The following COG3 variants were observed in gnomAD, a reference collection of about 807,000 sequenced individuals.
The protein encoded by COG3 is conserved oligomeric Golgi complex subunit 3.
In COG3, 32 loss-of-function variants were observed where a neutral mutation model predicts 114.1. The ratio of observed to expected loss-of-function variants is 0.28; its 90% CI spans 0.21 to 0.38. The LOEUF (loss-of-function observed/expected upper bound fraction) is 0.38. COG3 is among the 10% of genes least tolerant of loss of function. The probability of loss-of-function intolerance (pLI) is 1.00; values close to 1 mark genes in which losing one functional copy is unlikely to be tolerated. For synonymous variants in COG3, 352 were observed against 365.7 expected, an observed-to-expected ratio of 0.96 and a Z score of 0.43; for missense variants, 813 against 973.2, an observed-to-expected ratio of 0.84 and a Z score of 2.19.
chr13:45,471,727 G>GTT lies in COG3; in HGVS notation c.175-4465_175-4464dup, dbSNP rs397953138. ...CTGGTAATGAATTCTCTCAGCTTTT[G>GTT]TTTTTTTTTTGGTCTTTTTTTTGAG... On this transcript the variant is annotated intron_variant, in intron 1 of 22. Coordinates refer to ENST00000349995, the MANE Select transcript of COG3 (RefSeq NM_031431.4). 1.8e-3 allele frequency among the ~76,000 whole-genome samples: 266 copies of GTT among 147,942 alleles called. 3 individuals are homozygous for GTT. The South Asian group carries it at 0.032, about 18-fold the overall frequency.
chr13:45,530,131 T>C (rs1275831199), intron 21 of COG3, among the ~76,000 whole-genome samples: 1 of 152,222 alleles, frequency 6.6e-6, no homozygotes, highest in African/African-American at 2.4e-5. Context: ...AAGTTTTTAA[T>C]GTTACTACTG....
At chr13:45,466,935 G>A (rs1192336370) in intron 1 of COG3, among the ~76,000 whole-genome samples, 1 of 152,190 alleles carries the variant, frequency 6.6e-6, no homozygotes, top group Admixed American at 6.5e-5. Flanking sequence ...TAGGAAAGAT[G>A]AGATCCTTAG....
Position 45,534,791 on chromosome 13 carries a change from T to G in COG3, c.*60T>G. 2.0e-6 allele frequency: 3 copies of G among 1,526,846 alleles called. No homozygotes were observed. Among genetic ancestry groups the G allele is most frequent in the Admixed American group, 2.2e-5 (1 of 46,346 alleles). 94.6% of individuals were successfully genotyped at this position (1,526,846 alleles called of 1,614,324 possible). On this transcript the variant is annotated 3_prime_UTR_variant, in exon 23 of 23. Transcript: ENST00000349995. ...CTGGGAGGAGCAGGCTGAGAAGTCT[T>G]GCAGTCTGCAGGACACCGAGGAATC...
chr13:45,530,519 A>C (rs538835610), intron 21 of COG3, among the ~76,000 whole-genome samples, 163 bp from the exon 22 acceptor site: 1 of 152,242 alleles, frequency 6.6e-6, no homozygotes, highest in African/African-American at 2.4e-5. Flanking sequence ...TCATCAGGTC[A>C]TGCCAGCACT....
chr13:45,514,340 T>C (rs1040148197), intron 16 of COG3, among the ~76,000 whole-genome samples: 19 of 152,078 alleles, frequency 1.2e-4, no homozygotes, highest in African/African-American at 3.6e-4. Flanking sequence ...TTTGCATTTG[T>C]AGTAGAGACA....
chr13:45,471,649 C>A (rs558951695), intron 1 of COG3, among the ~76,000 whole-genome samples: 1 of 151,760 alleles, frequency 6.6e-6, no homozygotes, highest in Non-Finnish European at 1.5e-5. Context: ...TTTTATCTAG[C>A]GTTATATTCT....
At chr13:45,469,883 C>A (rs950195875) in intron 1 of COG3, among the ~76,000 whole-genome samples, 1 of 152,020 alleles carries the variant, frequency 6.6e-6, no homozygotes, top group Non-Finnish European at 1.5e-5. Context: ...AAAATTATTT[C>A]TTTAGTTCCT....
chr13:45,476,940 A>T (rs1455362680), intron 2 of COG3, among the ~76,000 whole-genome samples: 1 of 152,244 alleles, frequency 6.6e-6, no homozygotes, highest in Admixed American at 6.5e-5. Context: ...TTACATATAT[A>T]GTAAGTTGAG....
intron 8 of COG3, among the ~76,000 whole-genome samples, 156 bp downstream of exon 8, chr13:45,486,731 G>A (rs770942097): frequency 7.2e-5 from 11 of 152,190 alleles, no homozygotes; most frequent in Admixed American, 1.3e-4. Flanking sequence ...GTATCTTAGT[G>A]TTGTGTCTAG....
chr13:45,486,979 T>C (rs2985955), intron 8 of COG3, among the ~76,000 whole-genome samples: 107,394 of 152,084 alleles, frequency 0.71, 39,776 homozygotes, highest in Admixed American at 0.81. Context: ...GGATGTTACA[T>C]GTCGTGCTAA....
At chr13:45,526,580 T>G (rs1312929955) in intron 20 of COG3, among the ~76,000 whole-genome samples, 4 of 152,218 alleles carry the variant, frequency 2.6e-5, no homozygotes. Flanking sequence ...GTTCATTTGT[T>G]TGACTGCAAA....
At chr13:45,534,398 A>G (rs1048181391) in intron 22 of COG3, 2 of 252,752 alleles carry the variant, frequency 7.9e-6, no homozygotes, top group South Asian at 1.3e-4. Flanking sequence ...TCAGAAATAG[A>G]CCAACATTGT....
At chr13:45,508,040 G>A (rs1042078659) in intron 14 of COG3, among the ~76,000 whole-genome samples, 69 of 111,624 alleles carry the variant, frequency 6.2e-4, no homozygotes, top group Middle Eastern at 9.6e-3. Flanking sequence ...CTGCACTCCA[G>A]CCTAGGTGAC....
intron 14 of COG3, among the ~76,000 whole-genome samples, chr13:45,508,403 T>TATACACACAC (rs1352468701): frequency 3.0e-5 from 4 of 133,050 alleles, no homozygotes; most frequent in Non-Finnish European, 6.1e-5. Context: ...TATATATATA[T>TATACACACAC]ACACACACAC....
rs918522002 is a variant in COG3, at chr13:45,496,460, T to G, written c.1488+148T>G. 3.6e-5 allele frequency: 18 copies of G among 500,784 alleles called. No individual in the cohort carries two copies. In the African/African-American group the frequency reaches 3.6e-4, roughly 10 times the overall value. 31.0% of individuals were successfully genotyped at this position (500,784 alleles called of 1,614,324 possible). A position where few individuals can be genotyped will look rare whatever the true frequency, so the allele number is the denominator to read the frequency against. On this transcript the variant is annotated intron_variant, in intron 13 of 22. Coordinates refer to ENST00000349995, the MANE Select transcript of COG3 (RefSeq NM_031431.4). ...GTCTCGAACTCCTGAGCTCAAGTGA[T>G]CCACCTGCCTCGGCCTCCCAAGTGC...
At chr13:45,465,361 C>T in intron 1 of COG3, 151 bp downstream of exon 1, 1 of 1,294,834 alleles carries the variant, frequency 7.7e-7, no homozygotes, top group Non-Finnish European at 1.0e-6. Context: ...GGGGCCTCAT[C>T]TCCCAGGCTG....
intron 1 of COG3, chr13:45,465,886 T>C (rs999286096): frequency 6.6e-6 from 1 of 152,210 alleles, no homozygotes; most frequent in Non-Finnish European, 1.5e-5. Context: ...CACTTACCAT[T>C]AGGATATTAT....
intron 12 of COG3, among the ~76,000 whole-genome samples, chr13:45,495,386 T>A (rs1868643620): frequency 6.6e-6 from 1 of 151,994 alleles, no homozygotes; most frequent in East Asian, 1.9e-4. Context: ...TTTATTTATT[T>A]ATTATTTTTG....
At chr13:45,521,883 A>T (rs1872192325) in intron 19 of COG3, among the ~76,000 whole-genome samples, 1 of 148,498 alleles carries the variant, frequency 6.7e-6, no homozygotes, top group Admixed American at 6.8e-5. Flanking sequence ...GCTCACTGCA[A>T]CCTCTGCCTC....
Sources: gnomAD v4.1 joint callset for allele counts (sites outside exome capture counted in the v4.1 genomes callset) on GRCh38, gnomAD v4.1.1 for gene constraint, MANE v1.5 for transcripts, NCBI Gene and HGNC (gene_info 2026-07-23, HGNC 2026-07-21) for gene names.